Variants in MAP3K13 observed in about 807,000 individuals in gnomAD.
MAP3K13 encodes mitogen-activated protein kinase kinase kinase 13.
Under a neutral mutation model 104.0 loss-of-function variants are expected in MAP3K13, and 52 were observed. The ratio of observed to expected loss-of-function variants is 0.50; its 90% CI spans 0.40 to 0.63. The LOEUF is 0.63. Among genes scored for constraint, MAP3K13 ranks in the 20% least tolerant of loss-of-function variants. MAP3K13 has a pLI of 0.00. For synonymous variants in MAP3K13, 394 were observed against 442.2 expected (o/e 0.89, Z 1.37); for missense variants, 914 against 1,218.5 (o/e 0.75, Z 3.72).
intron 1 of MAP3K13, among the ~76,000 whole-genome samples, chr3:185,398,885 G>A (rs1452163715): frequency 6.6e-6 from 1 of 152,202 alleles, no homozygotes; most frequent in Non-Finnish European, 1.5e-5. Flanking sequence ...TGGAACAGTG[G>A]TGCCCACGTT....
At chr3:185,455,674 T>TATGAG (rs2148906929) in intron 7 of MAP3K13, among the ~76,000 whole-genome samples, 7 of 36,128 alleles carry the variant, frequency 1.9e-4, no homozygotes, top group African/African-American at 4.0e-4. Flanking sequence ...ATATGATATA[T>TATGAG]ATATGAGATA....
In MAP3K13 at chr3:185,468,706, C is replaced by T. The variant is rs143106252; in HGVS notation, c.1643+1743C>T. 5.6e-3 allele frequency among the ~76,000 whole-genome samples: 855 copies of T among 152,316 alleles called. 16 individuals carry two copies. The highest frequency in any genetic ancestry group is 0.011 in the East Asian group (58 of 5,190). ...ACCTAACTTCTAACGAGTAACTACACGGACTAATTCCAATTTTGCTTTTAC... is the reference window on the plus strand; with the variant it reads ...ACCTAACTTCTAACGAGTAACTACATGGACTAATTCCAATTTTGCTTTTAC... On this transcript the variant is annotated intron_variant, in intron 10 of 13. Transcript: ENST00000265026.
Position 185,307,541 on chromosome 3 carries a change from A to ACCC in MAP3K13, c.-86+21901_-86+21903dup, listed in dbSNP as rs549544428. 7.2e-3 allele frequency among the ~76,000 whole-genome samples: 510 copies of ACCC among 70,994 alleles called. 25 individuals carry two copies. The highest frequency in any genetic ancestry group is 0.016 in the East Asian group (32 of 1,988). The allele number at this position is 70,994 out of a possible 152,430, so 46.6% of individuals were successfully genotyped here. On this transcript the variant is annotated intron_variant, in intron 2 of 14. Coordinates refer to the MAP3K13 transcript ENST00000424227. The stretch of plus-strand genomic sequence containing the variant: ...CTCTATAATTTCCATTTGGTGCACC[A>ACCC]CCCCCTCCCCCGCCACCCCGAGATG...
chr3:185,337,036 ACT>A (rs1560053632), intron 2 of MAP3K13, among the ~76,000 whole-genome samples: 1 of 152,094 alleles, frequency 6.6e-6, no homozygotes, highest in Non-Finnish European at 1.5e-5. Context: ...TTTGAGCATG[ACT>A]CTGTAATTTA....
chr3:185,346,984 GAAGTTTTT>G lies in MAP3K13; in HGVS notation c.-86+61342_-86+61349del, dbSNP rs1209016643. Among the ~76,000 whole-genome samples, 12 of 129,464 alleles carry G rather than the reference GAAGTTTTT, an allele frequency of 9.3e-5. No individual in the cohort carries two copies. The South Asian group carries it at 2.8e-3, about 31-fold the overall frequency. 84.9% of individuals were successfully genotyped at this position (129,464 alleles called of 152,430 possible). On this transcript the variant is annotated intron_variant, in intron 2 of 14. Transcript: ENST00000424227. Reference sequence around the variant, plus strand: ...GAACTGAGGTGTTCATAGCACAAAGGAAGTTTTTTTTTTTTTTTTTTTAGACAGAGTCT... The same window carrying G: ...GAACTGAGGTGTTCATAGCACAAAGGTTTTTTTTTTTTTTAGACAGAGTCT...
chr3:185,386,314 A>C (rs1392807566), intron 1 of MAP3K13, among the ~76,000 whole-genome samples: 1 of 152,208 alleles, frequency 6.6e-6, no homozygotes, highest in Non-Finnish European at 1.5e-5. Context: ...TATCAAAAAA[A>C]TCTCAACATC....
At chr3:185,369,222 G>A (rs1577472944) in intron 1 of MAP3K13, among the ~76,000 whole-genome samples, 2 of 152,158 alleles carry the variant, frequency 1.3e-5, no homozygotes, top group Non-Finnish European at 2.9e-5. Flanking sequence ...GGAATAGAGC[G>A]TGCTGGGAGT....
Position 185,473,007 on chromosome 3 carries a change from C to T in MAP3K13, c.1676C>T (p.Thr559Ile), listed in dbSNP as rs749469342. 1.2e-6 allele frequency: 2 copies of T among 1,614,188 alleles called. No homozygotes were observed. Among genetic ancestry groups the T allele is most frequent in the African/African-American group, 1.3e-5 (1 of 75,034 alleles). The stretch of plus-strand genomic sequence containing the variant: ...TTGTTGAGATCAGAAGGGATCCCCA[C>T]CACAGAAGTGGCTCCCACTGCATCC... ...PDLLRSEGIP[T>I]TEVAPTASPL... is the part of the protein sequence containing the mutation. The change falls in exon 11 of 14, where the codon ACC becomes ATC. Residue 559 changes from threonine to isoleucine, a missense_variant. By Grantham distance (89) the Thr-to-Ile change is moderately conservative. Coordinates refer to ENST00000265026, the MANE Select transcript of MAP3K13 (RefSeq NM_004721.5). The surrounding 1 kb of genome is among the most constrained non-coding windows in gnomAD (Gnocchi z 4.9).
At chr3:185,404,575 A>T (rs1713000475) in intron 1 of MAP3K13, among the ~76,000 whole-genome samples, 1 of 152,066 alleles carries the variant, frequency 6.6e-6, no homozygotes, top group Non-Finnish European at 1.5e-5. Flanking sequence ...CGCTTGGTTT[A>T]ATTTTTTAAA....
chr3:185,343,991 T>C (rs1577445419), intron 2 of MAP3K13, among the ~76,000 whole-genome samples: 1 of 152,368 alleles, frequency 6.6e-6, no homozygotes, highest in Middle Eastern at 3.4e-3. Flanking sequence ...ACATTTCTTA[T>C]TTGTTCCAAT....
chr3:185,291,549 A>G (rs1450685953), intron 2 of MAP3K13: 3 of 1,423,784 alleles, frequency 2.1e-6, no homozygotes, highest in African/African-American at 1.4e-5. Context: ...GTAGTTTTTA[A>G]TTTCCCTTAA....
At position 185,415,573 on chromosome 3, in the gene MAP3K13, A is replaced by AT. The variant is rs34633048; in HGVS notation, c.-85-12921dup. The stretch of plus-strand genomic sequence containing the variant: ...CACAGTATTAAAACCAGAAGGGTTA[A>AT]TTTCTTTTTTTTTTTTTTTTTTTTT... On this transcript the variant is annotated intron_variant, in intron 1 of 13. Transcript: ENST00000265026. 8.0e-3 allele frequency among the ~76,000 whole-genome samples: 949 copies of AT among 119,152 alleles called. 19 individuals are homozygous for AT. The highest frequency in any genetic ancestry group is 0.027 in the Middle Eastern group (5 of 182). 78.2% of individuals were successfully genotyped at this position (119,152 alleles called of 152,430 possible).
upstream of MAP3K13, among the ~76,000 whole-genome samples, chr3:185,362,098 T>A (rs997664625): frequency 2.0e-5 from 3 of 152,214 alleles, no homozygotes; most frequent in African/African-American, 4.8e-5. Context: ...CTGTTCAGAA[T>A]GTTCTTGGTC....
chr3:185,309,151 T>G (rs1721407820), intron 2 of MAP3K13, among the ~76,000 whole-genome samples: 1 of 152,044 alleles, frequency 6.6e-6, no homozygotes, highest in African/African-American at 2.4e-5. Flanking sequence ...GTGCCAGGGG[T>G]TAGGGCTTTA....
chr3:185,309,876 G>A (rs1721435712), intron 2 of MAP3K13, among the ~76,000 whole-genome samples: 1 of 152,146 alleles, frequency 6.6e-6, no homozygotes. Flanking sequence ...AAATTTCATT[G>A]CCAAGAGGTT....
chr3:185,307,824 G>A (rs2108684033), intron 2 of MAP3K13, among the ~76,000 whole-genome samples: 1 of 151,754 alleles, frequency 6.6e-6, no homozygotes, highest in South Asian at 2.1e-4. Flanking sequence ...TTACAGGCAT[G>A]AGCCACCACA....
At chr3:185,448,212 A>C in intron 5 of MAP3K13, 1 of 516,848 alleles carries the variant, frequency 1.9e-6, no homozygotes, top group Non-Finnish European at 3.5e-6. Context: ...TAGGAAACTG[A>C]AAGTTTACTT....
chr3:185,376,104 A>C (rs1352130081), intron 1 of MAP3K13, among the ~76,000 whole-genome samples: 1 of 152,110 alleles, frequency 6.6e-6, no homozygotes, highest in Admixed American at 6.6e-5. Context: ...GATAAACAGG[A>C]ATGAAGGAAA....
At chr3:185,392,396 T>C (rs775613239) in intron 1 of MAP3K13, among the ~76,000 whole-genome samples, 16 of 152,282 alleles carry the variant, frequency 1.1e-4, no homozygotes, top group South Asian at 1.0e-3. Context: ...GAGAGAGGCT[T>C]GCTGAAGGAA....
Sources: allele counts gnomAD v4.1 joint callset (sites outside exome capture counted in the v4.1 genomes callset), GRCh38; gene constraint gnomAD v4.1.1; non-coding constraint Gnocchi (gnomAD v3.1); transcripts MANE v1.5; gene names NCBI Gene and HGNC (gene_info 2026-07-23, HGNC 2026-07-21).